The following ARHGEF28 variants were observed in gnomAD, a reference collection of about 807,000 sequenced individuals.
ARHGEF28 encodes 190 kDa guanine nucleotide exchange factor.
ARHGEF28 carries 152 observed loss-of-function variants against 206.6 expected under a neutral mutation model. That is an observed-to-expected ratio of 0.74 (90% CI 0.64 to 0.84). The LOEUF (loss-of-function observed/expected upper bound fraction) is 0.84, where lower values mean the gene tolerates loss of function less well. Ranked by LOEUF, ARHGEF28 falls within the 40% of genes least tolerant of loss-of-function variation. The pLI is 0.00. For missense variants in ARHGEF28, 2,028 were observed against 2,073.2 expected (o/e 0.98, Z 0.42); for synonymous variants, 763 against 776.4 (o/e 0.98, Z 0.29).
At chr5:73,883,216 T>C (rs1036258526) in intron 23 of ARHGEF28, among the ~76,000 whole-genome samples, 6 of 152,140 alleles carry the variant, frequency 3.9e-5, no homozygotes, top group Admixed American at 2.6e-4. Context: ...TTATAAAGTT[T>C]CCTGGATTCT....
intron 10 of ARHGEF28, among the ~76,000 whole-genome samples, chr5:73,838,604 T>C (rs780767524): frequency 2.0e-5 from 3 of 152,220 alleles, no homozygotes; most frequent in Non-Finnish European, 2.9e-5. Context: ...GGTAATATTT[T>C]ACTACATTTT....
chr5:73,657,259 C>G (rs2112179894), intron 1 of ARHGEF28, among the ~76,000 whole-genome samples: 1 of 150,518 alleles, frequency 6.6e-6, no homozygotes, highest in East Asian at 2.0e-4. Context: ...TTTTCACCTT[C>G]TCTAGCTCTG....
intron 14 of ARHGEF28, 112 bp from the exon 15 acceptor site, chr5:73,857,540 AATAC>A: frequency 1.8e-6 from 2 of 1,134,242 alleles, no homozygotes; most frequent in Non-Finnish European, 2.4e-6. Context: ...AACCTGAAAA[AATAC>A]ATACACATAC....
chr5:73,840,122 C>T (rs866439964), intron 10 of ARHGEF28, among the ~76,000 whole-genome samples: 1 of 152,102 alleles, frequency 6.6e-6, no homozygotes, highest in African/African-American at 2.4e-5. Flanking sequence ...TAAAATAATT[C>T]TCTGTTTACA....
chr5:73,632,316 G>A (rs1743420665), intron 1 of ARHGEF28, among the ~76,000 whole-genome samples: 1 of 152,122 alleles, frequency 6.6e-6, no homozygotes, highest in South Asian at 2.1e-4. Context: ...CAACCTGCAT[G>A]GGGAAATGAA....
intron 6 of ARHGEF28, chr5:73,778,076 T>TAA (rs11378540): frequency 0.15 from 21,041 of 140,560 alleles, 2,987 homozygotes; most frequent in African/African-American, 0.37. Flanking sequence ...AGACTCCGTC[T>TAA]AAAAAAAAAA....
intron 1 of ARHGEF28, among the ~76,000 whole-genome samples, chr5:73,637,815 A>G (rs746262753): frequency 7.2e-5 from 11 of 152,244 alleles, no homozygotes; most frequent in Non-Finnish European, 1.2e-4. Flanking sequence ...CATAAAAGCC[A>G]GTAAATACAT....
chr5:73,840,632 C>T lies in ARHGEF28; in HGVS notation c.1299C>T (p.Val433=), dbSNP rs1757928130. 8.1e-6 allele frequency: 13 copies of T among 1,613,714 alleles called. No individual in the cohort carries two copies. Among genetic ancestry groups the T allele is most frequent in the Middle Eastern group, 1.6e-4 (1 of 6,084 alleles). Residue 433 remains valine (V), a synonymous_variant, in exon 11 of 36, where the codon GTC becomes GTT. Transcript: ENST00000513042. ...GTGTGTACCCACTTAGTGAAAATGT[C>T]GAAGGGACAGCACACACTGAAGCCC... ...SPSVYPLSEN[V]EGTAHTEAQQ...
intron 35 of ARHGEF28, among the ~76,000 whole-genome samples, chr5:73,915,446 T>C (rs1763156877): frequency 6.6e-6 from 1 of 152,252 alleles, no homozygotes; most frequent in South Asian, 2.1e-4. Flanking sequence ...TGTTCAAACA[T>C]TAAATCCAAA....
At chr5:73,662,309 A>G (rs1213842810) in intron 1 of ARHGEF28, among the ~76,000 whole-genome samples, 1 of 152,244 alleles carries the variant, frequency 6.6e-6, no homozygotes, top group Non-Finnish European at 1.5e-5. Context: ...GCCATAGGAA[A>G]TATGATCTGA....
At chr5:73,654,479 C>T (rs913793922) in intron 1 of ARHGEF28, among the ~76,000 whole-genome samples, 2 of 152,118 alleles carry the variant, frequency 1.3e-5, no homozygotes, top group African/African-American at 2.4e-5. Flanking sequence ...AATCTTTAGT[C>T]GTGGGCCTCA....
At chr5:73,903,969 T>G in intron 31 of ARHGEF28, 1 of 524,854 alleles carries the variant, frequency 1.9e-6, no homozygotes. Flanking sequence ...CCCTTGTTGT[T>G]TTAAGGGGTG....
intron 1 of ARHGEF28, among the ~76,000 whole-genome samples, chr5:73,675,456 G>T (rs1203141131): frequency 6.6e-6 from 1 of 152,036 alleles, no homozygotes; most frequent in African/African-American, 2.4e-5. Context: ...TAAGCAGCCG[G>T]GTGTGGTGGC....
intron 35 of ARHGEF28, among the ~76,000 whole-genome samples, chr5:73,913,347 A>ATATT (rs71600412): frequency 1.3e-5 from 2 of 151,674 alleles, no homozygotes; most frequent in African/African-American, 4.8e-5. Context: ...AACCTTATTT[A>ATATT]TGTTTACTTC....
chr5:73,649,443 G>A (rs1265485545), intron 1 of ARHGEF28, among the ~76,000 whole-genome samples: 2 of 152,206 alleles, frequency 1.3e-5, no homozygotes, highest in Non-Finnish European at 2.9e-5. Context: ...TGTATTCTGA[G>A]TATTGGAAAA....
intron 35 of ARHGEF28, among the ~76,000 whole-genome samples, chr5:73,926,495 C>G (rs145240367): frequency 3.9e-5 from 6 of 152,296 alleles, no homozygotes; most frequent in South Asian, 2.1e-4. Context: ...TTCATCCCCC[C>G]CTACCCTTTG....
chr5:73,767,903 C>T (rs951590634), intron 4 of ARHGEF28, among the ~76,000 whole-genome samples: 6 of 152,140 alleles, frequency 3.9e-5, no homozygotes, highest in Non-Finnish European at 8.8e-5. Flanking sequence ...ATGGGCTGGG[C>T]CCAGGGTCCC....
intron 27 of ARHGEF28, 46 bp downstream of exon 27, chr5:73,892,276 C>T: frequency 2.0e-6 from 3 of 1,521,420 alleles, no homozygotes; most frequent in Non-Finnish European, 2.7e-6. Context: ...AGTTGTTCAA[C>T]TGGGGAAAAT....
chr5:73,673,083 A>G lies in ARHGEF28; in HGVS notation c.-11-11758A>G, dbSNP rs531446023. ...AAAGCAGCTTAGACCTGCATAACTC[A>G]GGTAGATAACTGTAGTCTGAAACAG... On this transcript the variant is annotated intron_variant, in intron 1 of 35. Coordinates refer to ENST00000513042, the MANE Select transcript of ARHGEF28 (RefSeq NM_001177693.2). 2.0e-5 allele frequency among the ~76,000 whole-genome samples: 3 copies of G among 152,238 alleles called. No individual in the cohort carries two copies. In the South Asian group the frequency reaches 6.2e-4, roughly 31 times the overall value.
Sources: gnomAD v4.1 joint callset for allele counts (sites outside exome capture counted in the v4.1 genomes callset) on GRCh38, gnomAD v4.1.1 for gene constraint, MANE v1.5 for transcripts, NCBI Gene and HGNC (gene_info 2026-07-23, HGNC 2026-07-21) for gene names.